Variants in PARP11 observed in about 807,000 individuals in gnomAD.
The protein encoded by PARP11 is protein mono-ADP-ribosyltransferase PARP11.
In PARP11, 31 loss-of-function variants were observed where a neutral mutation model predicts 42.9. That is an observed-to-expected ratio of 0.72 (90% CI 0.54 to 0.98). PARP11 has a LOEUF of 0.98. Ranked by LOEUF, PARP11 falls within the 50% of genes least tolerant of loss-of-function variation. The probability of loss-of-function intolerance (pLI) is 0.00; values close to 1 mark genes in which losing one functional copy is unlikely to be tolerated. For synonymous variants in PARP11, 137 were observed against 127.3 expected, an observed-to-expected ratio of 1.08 and a Z score of -0.51; for missense variants, 365 against 413.1, an observed-to-expected ratio of 0.88 and a Z score of 1.01.
chr12:3,830,082 G>C, intron 1 of PARP11, 64 bp from the exon 2 acceptor site: 1 of 1,470,764 alleles, frequency 6.8e-7, no homozygotes, highest in Admixed American at 1.7e-5. Flanking sequence ...ACTTTTTACA[G>C]ATCATTTTAC....
At chr12:3,828,412 G>C (rs999997609) in intron 3 of PARP11, among the ~76,000 whole-genome samples, 2 of 151,966 alleles carry the variant, frequency 1.3e-5, no homozygotes, top group African/African-American at 2.4e-5. Flanking sequence ...AGCCGGGTGT[G>C]GGGGCGGGTG....
chr12:3,843,882 C>A (rs898620370), intron 1 of PARP11, among the ~76,000 whole-genome samples: 1 of 152,170 alleles, frequency 6.6e-6, no homozygotes, highest in Non-Finnish European at 1.5e-5. Flanking sequence ...GAGTGCTATG[C>A]AAATAACATA....
At chr12:3,829,631 G>A (rs1013700562) in intron 2 of PARP11, among the ~76,000 whole-genome samples, 2 of 152,312 alleles carry the variant, frequency 1.3e-5, no homozygotes, top group Middle Eastern at 3.4e-3. Context: ...CAAACTTGGA[G>A]TTGCTCAGAT....
chr12:3,833,296 A>C (rs1328124102), intron 1 of PARP11, among the ~76,000 whole-genome samples: 4 of 152,142 alleles, frequency 2.6e-5, no homozygotes, highest in Admixed American at 2.0e-4. Context: ...GAACTGGCAA[A>C]ACTACATTTT....
At position 3,814,681 on chromosome 12, in the gene PARP11, T is replaced by C. The variant is rs149236326; in HGVS notation, c.549-493A>G. Among the ~76,000 whole-genome samples, 4 of 152,324 alleles carry C rather than the reference T, an allele frequency of 2.6e-5. No homozygotes were observed. The East Asian group carries it at 7.7e-4, about 29-fold the overall frequency. The stretch of plus-strand genomic sequence containing the variant: ...GACATTAAGCCATCCAGTTTAATCC[T>C]CTTCCCAAGGATAAATCTATCCTAA... On this transcript the variant is annotated intron_variant, in intron 6 of 7. Transcript: ENST00000228820.
intron 1 of PARP11, among the ~76,000 whole-genome samples, chr12:3,830,534 G>C (rs185627288): frequency 8.5e-5 from 13 of 152,072 alleles, no homozygotes; most frequent in African/African-American, 2.9e-4. Context: ...TCCTGTGAAC[G>C]TGCCTGTATC....
intron 1 of PARP11, among the ~76,000 whole-genome samples, chr12:3,844,696 C>G (rs1393957854): frequency 6.6e-6 from 1 of 152,158 alleles, no homozygotes; most frequent in Admixed American, 6.5e-5. Flanking sequence ...TTCTGTTTCC[C>G]ATATCTCACC....
At chr12:3,857,815 T>A (rs1212474948) in intron 1 of PARP11, among the ~76,000 whole-genome samples, 1 of 152,208 alleles carries the variant, frequency 6.6e-6, no homozygotes, top group Non-Finnish European at 1.5e-5. Flanking sequence ...TAAAAAATAA[T>A]GTTTATAACA....
At chr12:3,870,299 T>G (rs1431328983) in intron 1 of PARP11, among the ~76,000 whole-genome samples, 1 of 152,192 alleles carries the variant, frequency 6.6e-6, no homozygotes, top group African/African-American at 2.4e-5. Flanking sequence ...ACAGTAGCAG[T>G]AAGACAAATA....
intron 1 of PARP11, chr12:3,839,359 G>A: frequency 6.5e-7 from 1 of 1,531,134 alleles, no homozygotes; most frequent in Non-Finnish European, 8.8e-7. Context: ...GGGGCCCCGC[G>A]AGGACGCGAC....
At position 3,840,115 on chromosome 12, in the gene PARP11, C is replaced by G; in HGVS notation, c.19-10097G>C. On this transcript the variant is annotated intron_variant, in intron 1 of 7. Transcript: ENST00000228820. This position sits in a 1 kb window ranked among gnomAD's most constrained non-coding sequence, Gnocchi z 4.4. The stretch of plus-strand genomic sequence containing the variant: ...TTGGCTGGAGTCTAAACAAGCTCAG[C>G]AAAAACGTGATTATTCCATTGCTGC... The G allele has an allele frequency of 8.7e-6, 14 of 1,610,320 alleles. No homozygotes were observed. In the Middle Eastern group the frequency reaches 5.0e-4, roughly 57 times the overall value.
chr12:3,832,041 A>G, intron 1 of PARP11: 1 of 450,430 alleles, frequency 2.2e-6, no homozygotes, highest in South Asian at 9.6e-5. Context: ...ATTAGAAAAG[A>G]GAATAGAAAA....
intron 1 of PARP11, among the ~76,000 whole-genome samples, chr12:3,858,937 A>C (rs1948242628): frequency 6.6e-6 from 1 of 151,816 alleles, no homozygotes. Flanking sequence ...TTAAAAAAAA[A>C]AATACAAAAA....
rs150452650 is a variant in PARP11, at chr12:3,848,578, G to C, written c.19-18560C>G. ...AACAGTCTCTTCAATAAATGGTGCT[G>C]GGAAAACTGAATAAAGACTATCTAA... is the stretch of plus-strand genomic sequence containing the variant. On this transcript the variant is annotated intron_variant, in intron 1 of 7. Transcript: ENST00000228820. Among the ~76,000 whole-genome samples, 15 of 152,196 alleles carry C rather than the reference G, an allele frequency of 9.9e-5. No individual in the cohort carries two copies. The East Asian group carries it at 2.3e-3, about 23-fold the overall frequency.
chr12:3,812,518 G>T, intron 7 of PARP11, 79 bp from the exon 8 acceptor site: 1 of 940,864 alleles, frequency 1.1e-6, no homozygotes, highest in Non-Finnish European at 1.6e-6. Flanking sequence ...TTTGTCAGGA[G>T]AATAGATGCA....
At chr12:3,822,060 T>A in intron 5 of PARP11, 25 bp downstream of exon 5, 1 of 1,612,258 alleles carries the variant, frequency 6.2e-7, no homozygotes, top group Admixed American at 1.7e-5. Context: ...CTTTCATGGG[T>A]ATATTCAGTC....
rs375575295 is a variant in PARP11 at position 3,812,254 on chromosome 12, G to C, written c.886C>G (p.Arg296Gly). 1 of 1,614,126 alleles carries C rather than the reference G, an allele frequency of 6.2e-7. No homozygotes were observed. Among genetic ancestry groups the C allele is most frequent in the East Asian group, 2.2e-5 (1 of 44,884 alleles). Residue 296 changes from arginine to glycine, a missense_variant, in exon 8 of 8, where the codon CGA becomes GGA. Coordinates refer to ENST00000228820, the MANE Select transcript of PARP11 (RefSeq NM_020367.6). ...DYINGDSKYMRPPSKDGSYVN... is the reference protein window; with the variant it reads ...DYINGDSKYMGPPSKDGSYVN... ...TAGCTCCCGTCTTTGGAAGGAGGTCGCATGTATTTGGAGTCTCCGTTTATG... is the reference window on the plus strand; with the variant it reads ...TAGCTCCCGTCTTTGGAAGGAGGTCCCATGTATTTGGAGTCTCCGTTTATG...
At chr12:3,827,531 G>A (rs746186216) in intron 3 of PARP11, among the ~76,000 whole-genome samples, 12 of 151,882 alleles carry the variant, frequency 7.9e-5, no homozygotes, top group Non-Finnish European at 1.6e-4. Context: ...ATGCCTACCA[G>A]ATACCTTCTG....
intron 1 of PARP11, among the ~76,000 whole-genome samples, chr12:3,854,747 A>AG (rs1251591929): frequency 1.3e-5 from 2 of 152,184 alleles, no homozygotes; most frequent in Non-Finnish European, 2.9e-5. Flanking sequence ...TCCAATCAAC[A>AG]GAAAAAAAGG....
Sources: allele counts gnomAD v4.1 joint callset (sites outside exome capture counted in the v4.1 genomes callset), GRCh38; gene constraint gnomAD v4.1.1; non-coding constraint Gnocchi (gnomAD v3.1); transcripts MANE v1.5; gene names NCBI Gene and HGNC (gene_info 2026-07-23, HGNC 2026-07-21).